Variants in BDP1 observed in about 807,000 individuals in gnomAD.
The protein encoded by BDP1 is BDP1 general transcription factor IIIB subunit, also known as transcription factor TFIIIB component B'' homolog.
In BDP1, 169 loss-of-function variants were observed where a neutral mutation model predicts 266.6. That is an observed-to-expected ratio of 0.63 (90% confidence interval 0.56 to 0.72). The LOEUF (loss-of-function observed/expected upper bound fraction) is 0.72, where lower values mean the gene tolerates loss of function less well. Ranked by LOEUF, BDP1 falls within the 30% of genes least tolerant of loss-of-function variation. The pLI, the probability that BDP1 is intolerant of heterozygous loss-of-function variation, is 0.00. For synonymous variants in BDP1, 1,090 were observed against 1,022.4 expected, an observed-to-expected ratio of 1.07 and a Z score of -1.26; for missense variants, 3,015 against 3,053.8, an observed-to-expected ratio of 0.99 and a Z score of 0.30.
At chr5:71,504,887 C>A in intron 16 of BDP1, 136 bp downstream of exon 16, 1 of 783,682 alleles carries the variant, frequency 1.3e-6, no homozygotes, top group Non-Finnish European at 2.1e-6. Flanking sequence ...AAAAATATAA[C>A]TTCACCTTTC....
intron 7 of BDP1, chr5:71,475,770 G>A: frequency 6.5e-6 from 1 of 154,998 alleles, no homozygotes; most frequent in Middle Eastern, 1.1e-3. Context: ...GCTTACCTTT[G>A]CTCGGCTGAA....
intron 38 of BDP1, 30 bp downstream of exon 38, chr5:71,562,550 T>TGTATGAGATGGGTTGG: frequency 6.3e-7 from 1 of 1,595,810 alleles, no homozygotes; most frequent in South Asian, 1.1e-5. Flanking sequence ...TTTTATAGTT[T>TGTATGAGATGGGTTGG]GTATGAGATG....
intron 30 of BDP1, 101 bp downstream of exon 30, chr5:71,542,366 A>G: frequency 9.4e-7 from 1 of 1,069,216 alleles, no homozygotes; most frequent in Non-Finnish European, 1.3e-6. Context: ...TTTAACTTAC[A>G]ATAAAATAGT....
In BDP1 at chr5:71,469,622, C is replaced by CT. The variant is rs1181549949; in HGVS notation, c.920-764dup. Among the ~76,000 whole-genome samples, 646 of 149,948 alleles carry CT rather than the reference C, an allele frequency of 4.3e-3. 5 individuals are homozygous for CT. The highest frequency in any genetic ancestry group is 0.015 in the African/African-American group (607 of 40,850). The stretch of plus-strand genomic sequence containing the variant: ...AGATGCTTTTGTATGATTTCTTTTT[C>CT]TTTTTTTTTGAGGTGGAGTCTCGCT... On this transcript the variant is annotated intron_variant, in intron 6 of 38. Coordinates refer to ENST00000358731, the MANE Select transcript of BDP1 (RefSeq NM_018429.3).
rs183509857 is a variant in BDP1, at chr5:71,519,986, G to T, written c.4992-2303G>T. Among the ~76,000 whole-genome samples the T allele has an allele frequency of 3.5e-3, 538 of 151,996 alleles. 9 individuals carry two copies. Among genetic ancestry groups the T allele is most frequent in the African/African-American group, 0.012 (497 of 41,482 alleles). The stretch of plus-strand genomic sequence containing the variant: ...TCCTGACCAGTATTTGTAATTTTTT[G>T]TCTTTTTAACAGTAGCCATTTTAAC... On this transcript the variant is annotated intron_variant, in intron 22 of 38. Coordinates refer to ENST00000358731, the MANE Select transcript of BDP1 (RefSeq NM_018429.3).
At chr5:71,472,639 T>C (rs1762319228) in intron 7 of BDP1, among the ~76,000 whole-genome samples, 1 of 152,198 alleles carries the variant, frequency 6.6e-6, no homozygotes, top group Admixed American at 6.6e-5. Flanking sequence ...TAAGGGATAC[T>C]GATTTGTAAT....
chr5:71,521,434 A>C (rs1765489853), intron 22 of BDP1, among the ~76,000 whole-genome samples: 1 of 151,238 alleles, frequency 6.6e-6, no homozygotes. Context: ...CTGGGACTTC[A>C]GGCATGCACG....
In BDP1 at chr5:71,541,584, T is replaced by G. The variant is rs1167854453; in HGVS notation, c.6153T>G (p.Pro2051=). The change falls in exon 29 of 39, where the codon CCT becomes CCG. Residue 2051 remains proline (P), a synonymous_variant. Transcript: ENST00000358731. Reference sequence around the variant, plus strand: ...CTTCACCTGTCATTACTACATCTCCTGCATCATTTGAAGAAAACAAGATTG... The same window carrying G: ...CTTCACCTGTCATTACTACATCTCCGGCATCATTTGAAGAAAACAAGATTG... ...ELSSPVITTS[P]ASFEENKIVL... 1 of 1,612,226 alleles carries G rather than the reference T, an allele frequency of 6.2e-7. No individual in the cohort carries two copies. Among genetic ancestry groups the G allele is most frequent in the Non-Finnish European group, 8.5e-7 (1 of 1,178,992 alleles).
In BDP1 at chr5:71,510,486, C is replaced by T. The variant is rs774224700; in HGVS notation, c.3394C>T (p.Pro1132Ser). Residue 1132 changes from proline to serine, a missense_variant, in exon 17 of 39, where the codon CCA becomes TCA. Coordinates refer to ENST00000358731, the MANE Select transcript of BDP1 (RefSeq NM_018429.3). ...GGAGATTTCCCCAAGGGAGAAGACA[C>T]CAGAGGTGATTGATGCCACTGAGGA... ...GREISPREKT[P>S]EVIDATEEID... 1.2e-6 allele frequency: 2 copies of T among 1,613,536 alleles called. No individual in the cohort carries two copies. The highest frequency in any genetic ancestry group is 1.3e-5 in the African/African-American group (1 of 74,826).
rs140574557 is a variant in BDP1 at position 71,549,236 on chromosome 5, T to TG, written c.6809-184_6809-183insG. 0.015 allele frequency among the ~76,000 whole-genome samples: 2,328 copies of TG among 151,774 alleles called. 69 individuals are homozygous for TG. Among genetic ancestry groups the TG allele is most frequent in the African/African-American group, 0.053 (2,205 of 41,358 alleles). On this transcript the variant is annotated intron_variant, in intron 33 of 38. Transcript: ENST00000358731. ...CCGGGCGACAGAGCGAGACTCTGTCTCCCCCCCGCAAAAAAGGAGGGAACT... is the reference window on the plus strand; with the variant it reads ...CCGGGCGACAGAGCGAGACTCTGTCTGCCCCCCCGCAAAAAAGGAGGGAACT...
In BDP1 at chr5:71,562,451, C is replaced by A; in HGVS notation, c.7674C>A (p.Ser2558=). The change falls in exon 38 of 39, where the codon TCC becomes TCA. Residue 2558 remains serine (S), a synonymous_variant. Transcript: ENST00000358731. ...FNESQEKNRE[S]SDLLPSPSVI... is the part of the protein sequence containing the mutation. ...AAAGCCAGGAAAAAAATCGAGAGTC[C>A]TCTGATCTGCTTCCATCTCCAAGTG... is the stretch of plus-strand genomic sequence containing the variant. The A allele has an allele frequency of 6.2e-7, 1 of 1,613,872 alleles. No individual in the cohort carries two copies. The highest frequency in any genetic ancestry group is 8.5e-7 in the Non-Finnish European group (1 of 1,179,848).
At chr5:71,501,143 TCTC>T (rs1268608164) in intron 13 of BDP1, among the ~76,000 whole-genome samples, 2 of 151,272 alleles carry the variant, frequency 1.3e-5, no homozygotes, top group Non-Finnish European at 2.9e-5. Flanking sequence ...TTTTAGAAAA[TCTC>T]CTCTAGTTAG....
At chr5:71,461,990 T>TCTCG (rs1761602539) in intron 3 of BDP1, 64 bp downstream of exon 3, 2 of 864,704 alleles carry the variant, frequency 2.3e-6, no homozygotes, top group African/African-American at 1.9e-5. Flanking sequence ...GGAGGTGGAG[T>TCTCG]CTCGCTCTGT....
rs1274327892 is a variant in BDP1 at position 71,497,335 on chromosome 5, A to G, written c.1865A>G (p.Asn622Ser). The G allele has an allele frequency of 1.2e-6, 2 of 1,613,790 alleles. No homozygotes were observed. The highest frequency in any genetic ancestry group is 2.2e-5 in the East Asian group (1 of 44,846). The change falls in exon 13 of 39, where the codon AAT (asparagine) becomes AGT (serine). Residue 622 changes from asparagine to serine, a missense_variant. Transcript: ENST00000358731. The stretch of plus-strand genomic sequence containing the variant: ...GGTCGCTTCCAAAGACCTAAACCCA[A>G]TTTGTCAAGGGCTGGGAAGAAATCA... ...LRGRFQRPKP[N>S]LSRAGKKSVL... is the part of the protein sequence containing the mutation.
chr5:71,553,962 G>T (rs1306487265), intron 35 of BDP1, among the ~76,000 whole-genome samples: 3 of 152,130 alleles, frequency 2.0e-5, no homozygotes, highest in African/African-American at 4.8e-5. Flanking sequence ...GGGAAGTCCG[G>T]CCAGACCATG....
intron 11 of BDP1, among the ~76,000 whole-genome samples, chr5:71,493,166 TC>T (rs1278836790): frequency 6.6e-6 from 1 of 152,238 alleles, no homozygotes; most frequent in Non-Finnish European, 1.5e-5. Flanking sequence ...AGTTGTTTGT[TC>T]CTAGGTGACA....
rs936100085 is a variant in BDP1 at position 71,532,446 on chromosome 5, A to G, written c.5892+19A>G. On this transcript the variant is annotated intron_variant, in intron 26 of 38. Transcript: ENST00000358731. ...ACCGTTTGTAAGCATCCATTTTAAT[A>G]TGTTTTGGCCTTTTATTCTTTGTTT... The G allele has an allele frequency of 1.9e-6, 3 of 1,611,118 alleles. No homozygotes were observed. Among genetic ancestry groups the G allele is most frequent in the Non-Finnish European group, 2.5e-6 (3 of 1,178,670 alleles).
intron 11 of BDP1, among the ~76,000 whole-genome samples, chr5:71,491,468 T>C (rs1356797331): frequency 6.6e-6 from 1 of 152,174 alleles, no homozygotes; most frequent in Non-Finnish European, 1.5e-5. Context: ...TTAGTTTGAA[T>C]GTGATGTGTC....
chr5:71,561,937 A>G (rs925019213), intron 37 of BDP1, among the ~76,000 whole-genome samples: 21 of 152,134 alleles, frequency 1.4e-4, no homozygotes, highest in Non-Finnish European at 2.8e-4. Flanking sequence ...CTCCCAAAGC[A>G]GAAGCAGGTA....
Sources: gnomAD v4.1 joint callset for allele counts (sites outside exome capture counted in the v4.1 genomes callset) on GRCh38, gnomAD v4.1.1 for gene constraint, MANE v1.5 for transcripts, NCBI Gene and HGNC (gene_info 2026-07-23, HGNC 2026-07-21) for gene names.